Variants in STPG2 observed in about 807,000 individuals in gnomAD.
STPG2 encodes sperm-tail PG-rich repeat-containing protein 2.
A neutral mutation model predicts 54.2 loss-of-function variants in STPG2; 56 were observed. The observed-to-expected ratio is 1.03, with a 90% CI of 0.83 to 1.29. STPG2 has a LOEUF of 1.29. Ranked by LOEUF, STPG2 falls within the 50% of genes most tolerant of loss-of-function variation. The pLI is 0.00. For missense variants in STPG2, 596 were observed against 544.9 expected (o/e 1.09, Z -0.93); for synonymous variants, 200 against 181.8 (o/e 1.10, Z -0.81).
intron 4 of STPG2, among the ~76,000 whole-genome samples, chr4:97,470,607 T>C (rs78107531): frequency 0.021 from 3,218 of 152,206 alleles, 46 homozygotes; most frequent in Middle Eastern, 0.037. Flanking sequence ...GTTTAACTTA[T>C]AAATTAGGGA....
chr4:98,048,357 C>T (rs1737206673), intron 5 of STPG2, among the ~76,000 whole-genome samples: 1 of 152,182 alleles, frequency 6.6e-6, no homozygotes, highest in South Asian at 2.1e-4. Context: ...AGCAAAGCAA[C>T]TAATCCTATC....
intron 8 of STPG2, among the ~76,000 whole-genome samples, chr4:97,881,882 C>T (rs1414529837): frequency 1.3e-5 from 2 of 152,156 alleles, no homozygotes; most frequent in African/African-American, 4.8e-5. Flanking sequence ...AACTGATTTT[C>T]AGCATCTATT....
intron 10 of STPG2, among the ~76,000 whole-genome samples, chr4:97,584,093 C>T (rs1156872273): frequency 6.6e-6 from 1 of 151,868 alleles, no homozygotes; most frequent in African/African-American, 2.4e-5. Context: ...TTTTCATTAG[C>T]ATATGGAACA....
At chr4:98,112,611 T>G (rs985663986) in intron 3 of STPG2, among the ~76,000 whole-genome samples, 1 of 152,172 alleles carries the variant, frequency 6.6e-6, no homozygotes, top group Non-Finnish European at 1.5e-5. Flanking sequence ...TTGTTGATTC[T>G]TTTTTCATAG....
chr4:97,795,660 A>G (rs1727146935), intron 9 of STPG2, among the ~76,000 whole-genome samples: 1 of 152,222 alleles, frequency 6.6e-6, no homozygotes, highest in South Asian at 2.1e-4. Context: ...CAATAAACAT[A>G]TGTGTGCATG....
At chr4:97,734,597 A>T (rs994454761) in intron 9 of STPG2, among the ~76,000 whole-genome samples, 1 of 152,204 alleles carries the variant, frequency 6.6e-6, no homozygotes, top group South Asian at 2.1e-4. Context: ...ATGGTATATC[A>T]CATTGATAAG....
At chr4:97,981,708 TTCC>T (rs1175709366) in intron 5 of STPG2, among the ~76,000 whole-genome samples, 1 of 151,102 alleles carries the variant, frequency 6.6e-6, no homozygotes, top group Non-Finnish European at 1.5e-5. Context: ...ATTGAAAAAG[TTCC>T]TCAACATGTA....
At chr4:97,738,002 C>T (rs1459179718) in intron 9 of STPG2, among the ~76,000 whole-genome samples, 1 of 152,170 alleles carries the variant, frequency 6.6e-6, no homozygotes, top group East Asian at 1.9e-4. Context: ...ATCAGGCTAA[C>T]AGCGGATCTC....
chr4:97,822,934 A>G (rs1341304168), intron 9 of STPG2, among the ~76,000 whole-genome samples: 1 of 152,226 alleles, frequency 6.6e-6, no homozygotes, highest in Non-Finnish European at 1.5e-5. Flanking sequence ...AAACCAAAGC[A>G]TAACCCAGAG....
chr4:97,691,589 C>A (rs966926783), intron 10 of STPG2, among the ~76,000 whole-genome samples: 14 of 152,232 alleles, frequency 9.2e-5, no homozygotes, highest in Admixed American at 7.8e-4. Context: ...TCTTTCTCTA[C>A]CCGCCCTGGT....
At chr4:98,064,180 A>C (rs1416638279) in intron 5 of STPG2, among the ~76,000 whole-genome samples, 1 of 152,248 alleles carries the variant, frequency 6.6e-6, no homozygotes, top group Non-Finnish European at 1.5e-5. Flanking sequence ...GTTAAATTAT[A>C]AAAGTCAACA....
intron 10 of STPG2, among the ~76,000 whole-genome samples, chr4:97,703,054 A>G (rs1723825745): frequency 6.6e-6 from 1 of 152,040 alleles, no homozygotes; most frequent in East Asian, 1.9e-4. Context: ...GGAGCAACCA[A>G]CCAGCTTCAT....
chr4:97,451,675 A>T (rs1453040062), intron 4 of STPG2, among the ~76,000 whole-genome samples: 2 of 152,124 alleles, frequency 1.3e-5, no homozygotes, highest in African/African-American at 4.8e-5. Flanking sequence ...AAAAGGAGTG[A>T]TCTATTCCAA....
At chr4:97,992,439 T>C (rs1386039887) in intron 5 of STPG2, among the ~76,000 whole-genome samples, 2 of 152,206 alleles carry the variant, frequency 1.3e-5, no homozygotes, top group African/African-American at 4.8e-5. Context: ...AGGTTCTCTA[T>C]TCTGTTCCAT....
At chr4:97,481,962 T>C (rs969862769) in intron 4 of STPG2, among the ~76,000 whole-genome samples, 19 of 151,658 alleles carry the variant, frequency 1.3e-4, no homozygotes, top group Admixed American at 1.3e-3. Flanking sequence ...AACAAATACA[T>C]TGATCTGTAA....
chr4:97,483,946 G>A (rs1730289111), intron 4 of STPG2, among the ~76,000 whole-genome samples: 1 of 151,810 alleles, frequency 6.6e-6, no homozygotes, highest in African/African-American at 2.4e-5. Context: ...CAAATACATG[G>A]CAATTAAATA....
intron 10 of STPG2, among the ~76,000 whole-genome samples, chr4:97,611,117 C>T (rs938865582): frequency 2.0e-5 from 3 of 151,918 alleles, no homozygotes; most frequent in Non-Finnish European, 2.9e-5. Flanking sequence ...GCTTTTATCA[C>T]ATAAGAATTT....
At chr4:97,606,613 A>T (rs543029543) in intron 10 of STPG2, among the ~76,000 whole-genome samples, 75 of 151,976 alleles carry the variant, frequency 4.9e-4, no homozygotes, top group Admixed American at 1.2e-3. Flanking sequence ...TTTTATTTCT[A>T]GCATAGCAAT....
At chr4:97,463,215 C>T (rs896943083) in intron 4 of STPG2, among the ~76,000 whole-genome samples, 4 of 152,180 alleles carry the variant, frequency 2.6e-5, no homozygotes, top group South Asian at 4.1e-4. Flanking sequence ...TGTATTGTAA[C>T]CGATACCTCA....
Sources: gnomAD v4.1 joint callset for allele counts (sites outside exome capture counted in the v4.1 genomes callset) on GRCh38, gnomAD v4.1.1 for gene constraint, MANE v1.5 for transcripts, NCBI Gene and HGNC (gene_info 2026-07-23, HGNC 2026-07-21) for gene names.